POLG2: variants seen among roughly 807,000 people sequenced by gnomAD.
The protein encoded by POLG2 is DNA polymerase gamma 2, accessory subunit.
A neutral mutation model predicts 56.5 loss-of-function variants in POLG2; 50 were observed. That is an observed-to-expected ratio of 0.88 (90% CI 0.71 to 1.12). The LOEUF is 1.12. Ranked by LOEUF, POLG2 falls within the 50% of genes most tolerant of loss-of-function variation. The pLI, the probability that POLG2 is intolerant of heterozygous loss-of-function variation, is 0.00. For synonymous variants in POLG2, 226 were observed against 222.6 expected, an observed-to-expected ratio of 1.02 and a Z score of -0.14; for missense variants, 584 against 583.3, an observed-to-expected ratio of 1.00 and a Z score of -0.01.
intron 5 of POLG2, among the ~76,000 whole-genome samples, chr17:64,483,529 C>CAA (rs2037899596): frequency 7.1e-6 from 1 of 140,056 alleles, no homozygotes; most frequent in Non-Finnish European, 1.5e-5. Context: ...AAAAAAAAAA[C>CAA]AAATTAACTT....
intron 4 of POLG2, among the ~76,000 whole-genome samples, chr17:64,487,907 G>A (rs1341755825): frequency 6.6e-6 from 1 of 152,116 alleles, no homozygotes; most frequent in African/African-American, 2.4e-5. Context: ...AACAATGTCA[G>A]GATATCTGGT....
At chr17:64,480,431 G>A (rs782278192) in intron 6 of POLG2, 42 bp from the exon 7 acceptor site, 1 of 921,406 alleles carries the variant, frequency 1.1e-6, no homozygotes. Context: ...AAGAAATAAT[G>A]GTAGCTAGAG....
At chr17:64,491,600 G>C in intron 3 of POLG2, 1 of 1,544,410 alleles carries the variant, frequency 6.5e-7, no homozygotes. Context: ...GGATCTTGAT[G>C]TGGGACTTCA....
intron 3 of POLG2, chr17:64,491,703 A>T: frequency 9.7e-7 from 1 of 1,025,774 alleles, no homozygotes; most frequent in Non-Finnish European, 1.5e-6. Context: ...CTCGGGGTTT[A>T]CCATGGTGCT....
chr17:64,490,941 C>T lies in POLG2; in HGVS notation c.824G>A (p.Ser275Asn). ...KFAMSPSNFS[S>N]SDCQDEEGRK... ...GCCTTCTTCATCCTGACAGTCACTG[C>T]TGCTGAAGTTAGATGGACTCATGGC... Residue 275 changes from serine (S) to asparagine (N), a missense_variant, in exon 4 of 8, where the codon AGC becomes AAC. Ser to Asn is a conservative substitution (Grantham distance 46, BLOSUM62 1). Transcript: ENST00000539111. The T allele has an allele frequency of 6.2e-7, 1 of 1,613,920 alleles. No homozygotes were observed. The highest frequency in any genetic ancestry group is 8.5e-7 in the Non-Finnish European group (1 of 1,179,838).
chr17:64,477,935 T>A lies in POLG2; in HGVS notation c.1346A>T (p.Glu449Val). The part of the protein sequence containing the change: ...FTVLVTETTL[E>V]NGLIHLRSRD... The stretch of plus-strand genomic sequence containing the variant: ...GCTTCTCAGATGTATTAATCCATTC[T>A]CCAAAGTAGTTTCAGTAACCAAAAC... Residue 449 changes from glutamate (E) to valine (V), a missense_variant, in exon 8 of 8, where the codon GAG (glutamate) becomes GTG (valine). Transcript: ENST00000539111. 1 of 1,614,042 alleles carries A rather than the reference T, an allele frequency of 6.2e-7. No homozygotes were observed.
At chr17:64,490,772 A>G in intron 4 of POLG2, 24 bp downstream of exon 4, 2 of 1,588,168 alleles carry the variant, frequency 1.3e-6, no homozygotes, top group Non-Finnish European at 1.7e-6. Flanking sequence ...TAAAAAATAC[A>G]TAGGAGCTCC....
chr17:64,495,409 A>G (rs2038134689), intron 1 of POLG2, among the ~76,000 whole-genome samples: 1 of 151,828 alleles, frequency 6.6e-6, no homozygotes, highest in Non-Finnish European at 1.5e-5. Context: ...GCAAAACCTC[A>G]TCTCTACAAA....
chr17:64,480,290 T>G lies in POLG2; in HGVS notation c.1291A>C (p.Lys431Gln). The change falls in exon 7 of 8, where the codon AAG becomes CAG. Residue 431 changes from lysine (K) to glutamine (Q), a missense_variant and splice_region_variant. Physicochemically the swap from Lys to Gln is moderately conservative, Grantham distance 53. Coordinates refer to ENST00000539111, the MANE Select transcript of POLG2 (RefSeq NM_007215.4). ...CTTTAATGAAAATACAATTCTTACT[T>G]CGAATAAAGTTGTTCCAATGAGGAC... ...MQSSLEQLYS[K>Q]YDEMSILFTV... is the part of the protein sequence containing the mutation. 5 of 1,462,572 alleles carry G rather than the reference T, an allele frequency of 3.4e-6. No individual in the cohort carries two copies. Among genetic ancestry groups the G allele is most frequent in the Non-Finnish European group, 3.8e-6 (4 of 1,050,204 alleles). The allele number at this position is 1,462,572 out of a possible 1,614,324, so 90.6% of individuals were successfully genotyped here.
chr17:64,496,618 C>A lies in POLG2; in HGVS notation c.351G>T (p.Ser117=). ...RKNLAAEWWT[S]VVVFREQVFP... Reference sequence around the variant, plus strand: ...ATACCTGCTCCCTGAACACCACCACCGAGGTCCACCATTCTGCGGCCAGGT... The same window carrying A: ...ATACCTGCTCCCTGAACACCACCACAGAGGTCCACCATTCTGCGGCCAGGT... Residue 117 remains serine (S), a synonymous_variant, in exon 1 of 8, where the codon TCG becomes TCT. Coordinates refer to ENST00000539111, the MANE Select transcript of POLG2 (RefSeq NM_007215.4). 6.2e-7 allele frequency: 1 copy of A among 1,614,000 alleles called. No homozygotes were observed. Among genetic ancestry groups the A allele is most frequent in the South Asian group, 1.1e-5 (1 of 91,066 alleles).
chr17:64,493,014 C>T lies in POLG2; in HGVS notation c.570G>A (p.Leu190=), dbSNP rs1308159499. The change falls in exon 2 of 8, where the codon TTG becomes TTA. Residue 190 remains leucine (L), a synonymous_variant. Coordinates refer to ENST00000539111, the MANE Select transcript of POLG2 (RefSeq NM_007215.4). ...GATCCAGGCAATTAACATAGTGTTC[C>T]AAGGCACCTGTCAAAAGATAAATCA... ...KLRENLLHGA[L]EHYVNCLDLV... The T allele has an allele frequency of 6.2e-7, 1 of 1,613,940 alleles. No individual in the cohort carries two copies. The highest frequency in any genetic ancestry group is 8.5e-7 in the Non-Finnish European group (1 of 1,179,960).
Position 64,478,005 on chromosome 17 carries a change from TAAAC to T in POLG2, c.1293-21_1293-18del, listed in dbSNP as rs2037795095. On this transcript the variant is annotated intron_variant, in intron 7 of 7. Coordinates refer to ENST00000539111, the MANE Select transcript of POLG2 (RefSeq NM_007215.4). Reference sequence around the variant, plus strand: ...TCATCATACCTAAGAAAAAAGTAGTTAAACAGACACATGAGCACAAATGTAAATA... The same window carrying T: ...TCATCATACCTAAGAAAAAAGTAGTTAGACACATGAGCACAAATGTAAATA... 1 of 1,611,696 alleles carries T rather than the reference TAAAC, an allele frequency of 6.2e-7. No homozygotes were observed. Among genetic ancestry groups the T allele is most frequent in the African/African-American group, 1.3e-5 (1 of 74,874 alleles).
rs146372905 is a variant in POLG2, at chr17:64,489,458, T to C, written c.969+1338A>G. Among the ~76,000 whole-genome samples the C allele has an allele frequency of 2.7e-3, 404 of 151,490 alleles. 3 individuals carry two copies. The highest frequency in any genetic ancestry group is 9.4e-3 in the African/African-American group (390 of 41,312). ...AATCATCAAGGGATGCTGCAACCAG[T>C]AAGGCAAAATTTGGTGACATGGCCA... On this transcript the variant is annotated intron_variant, in intron 4 of 7. Coordinates refer to ENST00000539111, the MANE Select transcript of POLG2 (RefSeq NM_007215.4).
chr17:64,483,088 A>G (rs2037889700), intron 5 of POLG2, 89 bp from the exon 6 acceptor site: 2 of 686,800 alleles, frequency 2.9e-6, no homozygotes, highest in African/African-American at 1.8e-5. Context: ...ATATAACACA[A>G]GTATTAACAA....
At chr17:64,491,046 T>C in intron 3 of POLG2, 77 bp from the exon 4 acceptor site, 3 of 1,126,020 alleles carry the variant, frequency 2.7e-6, no homozygotes, top group Non-Finnish European at 4.0e-6. Flanking sequence ...TCTGTAAGAA[T>C]TTAAATTGTC....
In POLG2 at chr17:64,496,869, T is replaced by C; in HGVS notation, c.100A>G (p.Thr34Ala). 6.2e-7 allele frequency: 1 copy of C among 1,613,556 alleles called. No individual in the cohort carries two copies. The highest frequency in any genetic ancestry group is 1.1e-5 in the South Asian group (1 of 91,058). The change falls in exon 1 of 8, where the codon ACG becomes GCG. Residue 34 changes from threonine to alanine, a missense_variant. Coordinates refer to ENST00000539111, the MANE Select transcript of POLG2 (RefSeq NM_007215.4). Reference protein sequence around the residue: ...RVDAGQPELLTERSSPKGGHV... With the variant: ...RVDAGQPELLAERSSPKGGHV... The stretch of plus-strand genomic sequence containing the variant: ...CCTCCTTTGGGGCTACTCCTTTCCG[T>C]CAACAGCTCCGGCTGCCCCGCATCT...
Position 64,493,046 on chromosome 17 carries a change from G to C in POLG2, c.563-25C>G, listed in dbSNP as rs1555668870. ...CCTGTCAAAAGATAAATCAATCATT[G>C]TATACATCTAGTCCACAAACCCAAA... On this transcript the variant is annotated intron_variant, in intron 1 of 7. Coordinates refer to ENST00000539111, the MANE Select transcript of POLG2 (RefSeq NM_007215.4). 3 of 1,613,104 alleles carry C rather than the reference G, an allele frequency of 1.9e-6. No homozygotes were observed. The East Asian group carries it at 6.7e-5, about 36-fold the overall frequency.
rs1191712209 is a variant in POLG2 at position 64,490,907 on chromosome 17, T to G, written c.858A>C (p.Gly286=). Residue 286 remains glycine (G), a synonymous_variant, in exon 4 of 8, where the codon GGA becomes GGC. Transcript: ENST00000539111. ...AGGGAAAATTGTAGTAAAGTTTGTT[T>G]CCTTTCCGGCCTTCTTCATCCTGAC... The part of the protein sequence containing the change: ...SDCQDEEGRK[G]NKLYYNFPWG... 3.7e-6 allele frequency: 6 copies of G among 1,613,898 alleles called. No homozygotes were observed. The African/African-American group carries it at 8.0e-5, about 22-fold the overall frequency.
intron 4 of POLG2, 144 bp from the exon 5 acceptor site, chr17:64,486,012 GT>G (rs2144158096): frequency 1.4e-6 from 1 of 726,004 alleles, no homozygotes; most frequent in South Asian, 1.5e-5. Flanking sequence ...TGCCTCCCAG[GT>G]TCAAGTGATT....
Sources: gnomAD v4.1 joint callset for allele counts (sites outside exome capture counted in the v4.1 genomes callset) on GRCh38, gnomAD v4.1.1 for gene constraint, MANE v1.5 for transcripts, NCBI Gene and HGNC (gene_info 2026-07-23, HGNC 2026-07-21) for gene names.